The following CEP55 variants were observed in gnomAD, a reference collection of about 807,000 sequenced individuals.
CEP55 encodes centrosomal protein 55, also known as centrosomal protein of 55 kDa.
Under a neutral mutation model 63.2 loss-of-function variants are expected in CEP55, and 57 were observed. That is an observed-to-expected ratio of 0.90 (90% CI 0.73 to 1.13). The LOEUF (loss-of-function observed/expected upper bound fraction) is 1.13, where lower values mean the gene tolerates loss of function less well. CEP55 is among the 50% of genes most tolerant of loss of function. CEP55 has a pLI of 0.00. For missense variants in CEP55, 456 were observed against 518.9 expected (o/e 0.88, Z 1.18); for synonymous variants, 178 against 191.6 (o/e 0.93, Z 0.59).
intron 4 of CEP55, among the ~76,000 whole-genome samples, chr10:93,512,200 C>T (rs188461239): frequency 3.7e-4 from 48 of 130,132 alleles, no homozygotes; most frequent in African/African-American, 1.3e-3. Context: ...GTATTCCAGC[C>T]GGGGCCACAG....
Position 93,517,231 on chromosome 10 carries a change from GA to G in CEP55, c.978del (p.Glu327SerfsTer14). On this transcript the variant is annotated frameshift_variant, in exon 6 of 9. Coordinates refer to ENST00000371485, the MANE Select transcript of CEP55 (RefSeq NM_018131.5). LOFTEE classifies it high-confidence loss of function. Reference sequence around the variant, plus strand: ...ACTTGAAGAAGAGAAGAAGAGATCCGAAGAGCTCTTATCTCAGGTAAACTTA... The same window carrying G: ...ACTTGAAGAAGAGAAGAAGAGATCCGAGAGCTCTTATCTCAGGTAAACTTA... ...GKLEEEKKRS[E>X]ELLSQVQFLY... 1 of 1,598,924 alleles carries G rather than the reference GA, an allele frequency of 6.3e-7. No individual in the cohort carries two copies.
intron 3 of CEP55, among the ~76,000 whole-genome samples, chr10:93,504,388 G>A (rs11187480): frequency 0.53 from 79,799 of 151,558 alleles, 23,133 homozygotes; most frequent in Non-Finnish European, 0.65. Flanking sequence ...CACTAGAATC[G>A]CTTGAACCCG....
intron 2 of CEP55, among the ~76,000 whole-genome samples, chr10:93,502,697 A>G (rs976257597): frequency 2.0e-5 from 3 of 152,194 alleles, no homozygotes; most frequent in Non-Finnish European, 2.9e-5. Flanking sequence ...TTTAAGTTCC[A>G]CTGATTCAAA....
intron 4 of CEP55, among the ~76,000 whole-genome samples, chr10:93,509,773 A>T (rs1272210501): frequency 6.6e-6 from 1 of 152,216 alleles, no homozygotes; most frequent in Non-Finnish European, 1.5e-5. Context: ...GGTGTGAGTC[A>T]TTACACCCAG....
chr10:93,499,495 C>G (rs1296918229), intron 1 of CEP55, among the ~76,000 whole-genome samples: 1 of 149,006 alleles, frequency 6.7e-6, no homozygotes, highest in South Asian at 2.1e-4. Context: ...GAACACTACA[C>G]AAAACATAAA....
At chr10:93,502,175 A>C (rs1382697753) in intron 2 of CEP55, among the ~76,000 whole-genome samples, 1 of 152,162 alleles carries the variant, frequency 6.6e-6, no homozygotes, top group Non-Finnish European at 1.5e-5. Context: ...TGAATTATGC[A>C]CTTAGAATTG....
chr10:93,503,038 CTTG>C (rs1434007316), intron 2 of CEP55, 72 bp from the exon 3 acceptor site: 51 of 1,307,272 alleles, frequency 3.9e-5, no homozygotes, highest in Middle Eastern at 2.0e-4. Context: ...TTCATAAATG[CTTG>C]TTGAAGTATA....
chr10:93,526,343 A>C (rs2057921688), intron 8 of CEP55, among the ~76,000 whole-genome samples: 1 of 152,260 alleles, frequency 6.6e-6, no homozygotes, highest in Admixed American at 6.5e-5. Context: ...AATGCTCATC[A>C]TCACTGGCCA....
chr10:93,505,567 G>C (rs2057680019), intron 3 of CEP55, among the ~76,000 whole-genome samples: 1 of 152,176 alleles, frequency 6.6e-6, no homozygotes, highest in African/African-American at 2.4e-5. Context: ...CTTTGTCATA[G>C]TTTCCACCTC....
chr10:93,525,435 G>A (rs1404769733), intron 8 of CEP55, among the ~76,000 whole-genome samples: 1 of 152,136 alleles, frequency 6.6e-6, no homozygotes, highest in Non-Finnish European at 1.5e-5. Context: ...CAAAATAAAA[G>A]AGGATACAAA....
chr10:93,528,867 A>G lies in CEP55; in HGVS notation c.*714A>G, dbSNP rs1050308685. The stretch of plus-strand genomic sequence containing the variant: ...TGCTTAGCTAAAATTGTTAAAATAA[A>G]CTTTAATAAACCCATGTAGCCCTCT... On this transcript the variant is annotated 3_prime_UTR_variant, in exon 9 of 9. Coordinates refer to ENST00000371485, the MANE Select transcript of CEP55 (RefSeq NM_018131.5). The G allele has an allele frequency of 6.6e-6, 1 of 152,192 alleles. No homozygotes were observed. The highest frequency in any genetic ancestry group is 1.5e-5 in the Non-Finnish European group (1 of 68,038). 9.4% of individuals were successfully genotyped at this position (152,192 alleles called of 1,614,324 possible). A position where few individuals can be genotyped will look rare whatever the true frequency, so the allele number is the denominator to read the frequency against.
At chr10:93,523,941 T>C (rs2057892142) in intron 8 of CEP55, among the ~76,000 whole-genome samples, 2 of 152,256 alleles carry the variant, frequency 1.3e-5, no homozygotes, top group Middle Eastern at 3.4e-3. Flanking sequence ...TTTAAAGCAG[T>C]GTGTAGAGGG....
In CEP55 at chr10:93,506,349, G is replaced by T. The variant is rs536244310; in HGVS notation, c.460-639G>T. On this transcript the variant is annotated intron_variant, in intron 3 of 8. Transcript: ENST00000371485. The stretch of plus-strand genomic sequence containing the variant: ...GTCATTTAAATAGCCTAGTTGTTTT[G>T]TGTTTGTCTTTTTGGTAAAAATCAC... Among the ~76,000 whole-genome samples the T allele has an allele frequency of 5.3e-5, 8 of 152,238 alleles. No individual in the cohort carries two copies. In the South Asian group the frequency reaches 1.7e-3, roughly 32 times the overall value.
At position 93,528,881 on chromosome 10, in the gene CEP55, A is replaced by G. The variant is rs574122915; in HGVS notation, c.*728A>G. 22 of 152,300 alleles carry G rather than the reference A, an allele frequency of 1.4e-4. No individual in the cohort carries two copies. The highest frequency in any genetic ancestry group is 4.6e-4 in the Admixed American group (7 of 15,290). 9.4% of individuals were successfully genotyped at this position (152,300 alleles called of 1,614,324 possible). A position where few individuals can be genotyped will look rare whatever the true frequency, so the allele number is the denominator to read the frequency against. ...TGTTAAAATAAACTTTAATAAACCC[A>G]TGTAGCCCTCTCATTTGATTGACAG... On this transcript the variant is annotated 3_prime_UTR_variant, in exon 9 of 9. Coordinates refer to ENST00000371485, the MANE Select transcript of CEP55 (RefSeq NM_018131.5).
chr10:93,498,868 T>C (rs185843718), intron 1 of CEP55, among the ~76,000 whole-genome samples: 3 of 152,124 alleles, frequency 2.0e-5, no homozygotes, highest in Admixed American at 6.5e-5. Flanking sequence ...TGGTAAATAG[T>C]AGGCTTTATA....
In CEP55 at chr10:93,516,930, C is replaced by T; in HGVS notation, c.680-5C>T. On this transcript the variant is annotated splice_polypyrimidine_tract_variant and splice_region_variant and intron_variant, in intron 5 of 8. Coordinates refer to ENST00000371485, the MANE Select transcript of CEP55 (RefSeq NM_018131.5). ...TGAGTTGTGCCGTAATGTTGTTTGT[C>T]ATAGGTTATCTTCAAGAAGAGAAGC... 2 of 1,561,844 alleles carry T rather than the reference C, an allele frequency of 1.3e-6. No homozygotes were observed. The highest frequency in any genetic ancestry group is 1.2e-5 in the South Asian group (1 of 83,710).
intron 2 of CEP55, among the ~76,000 whole-genome samples, 180 bp downstream of exon 2, chr10:93,500,414 T>A (rs1190383601): frequency 6.6e-6 from 1 of 152,260 alleles, no homozygotes; most frequent in East Asian, 1.9e-4. Context: ...AAGTCTTAGA[T>A]GTACTTTAGT....
At chr10:93,497,556 G>T (rs1029712345) in intron 1 of CEP55, among the ~76,000 whole-genome samples, 1 of 152,012 alleles carries the variant, frequency 6.6e-6, no homozygotes, top group Non-Finnish European at 1.5e-5. Flanking sequence ...GTGAGCCACC[G>T]CGCCCGGCCC....
intron 8 of CEP55, among the ~76,000 whole-genome samples, chr10:93,521,450 G>C (rs1216252993): frequency 1.3e-5 from 2 of 152,172 alleles, no homozygotes; most frequent in Non-Finnish European, 2.9e-5. Flanking sequence ...CGGCCGGGAA[G>C]CTCGAACTGG....
Sources: gnomAD v4.1 joint callset for allele counts (sites outside exome capture counted in the v4.1 genomes callset) on GRCh38, gnomAD v4.1.1 for gene constraint, MANE v1.5 for transcripts, NCBI Gene and HGNC (gene_info 2026-07-23, HGNC 2026-07-21) for gene names.